The following METTL4 variants were observed in gnomAD, a reference collection of about 807,000 sequenced individuals.
METTL4 encodes methyltransferase 4, N6-adenosine, also known as N(6)-adenine-specific methyltransferase METTL4.
In METTL4, 40 loss-of-function variants were observed where a neutral mutation model predicts 54.0. That is an observed-to-expected ratio of 0.74 (90% confidence interval 0.58 to 0.96). METTL4 has a LOEUF of 0.96. Ranked by LOEUF, METTL4 falls within the 50% of genes least tolerant of loss-of-function variation. METTL4 has a pLI of 0.00. For missense variants in METTL4, 525 were observed against 549.0 expected (o/e 0.96, Z 0.44); for synonymous variants, 169 against 183.8 (o/e 0.92, Z 0.65).
At chr18:2,570,074 A>G (rs575000130) in intron 1 of METTL4, among the ~76,000 whole-genome samples, 111 of 152,352 alleles carry the variant, frequency 7.3e-4, no homozygotes, top group African/African-American at 2.4e-3. Context: ...GTAAGCACAC[A>G]TGATCCCTCT....
intron 2 of METTL4, among the ~76,000 whole-genome samples, chr18:2,565,110 T>C (rs1440568576): frequency 6.6e-6 from 1 of 151,714 alleles, no homozygotes; most frequent in Non-Finnish European, 1.5e-5. Flanking sequence ...CAACAAGGTG[T>C]CTACTAAAAA....
intron 8 of METTL4, chr18:2,540,857 C>G: frequency 3.0e-6 from 3 of 985,438 alleles, no homozygotes; most frequent in Non-Finnish European, 3.6e-6. Flanking sequence ...AAGATGTTAG[C>G]AACCCTATTT....
Position 2,547,454 on chromosome 18 carries a change from A to T in METTL4, c.975T>A (p.Val325=), listed in dbSNP as rs373541095. Reference sequence around the variant, plus strand: ...GCTTCTGTCTATTGGTCACCCAAGTAACAAGAAGACAGTTTGGAGCAGCCA... The same window carrying T: ...GCTTCTGTCTATTGGTCACCCAAGTTACAAGAAGACAGTTTGGAGCAGCCA... ...PKLAAPNCLL[V]TWVTNRQKHL... is the part of the protein sequence containing the mutation. The change falls in exon 6 of 9, where the codon GTT becomes GTA. Residue 325 remains valine (V), a synonymous_variant. Transcript: ENST00000574538. 3.1e-6 allele frequency: 5 copies of T among 1,612,598 alleles called. No individual in the cohort carries two copies. The African/African-American group carries it at 6.7e-5, about 22-fold the overall frequency.
chr18:2,558,115 T>C (rs1029187475), intron 3 of METTL4, among the ~76,000 whole-genome samples: 2 of 152,214 alleles, frequency 1.3e-5, no homozygotes, highest in Admixed American at 6.5e-5. Context: ...CTGACATTCA[T>C]AGAACACTGC....
chr18:2,546,928 T>C (rs2072077970), intron 6 of METTL4, among the ~76,000 whole-genome samples: 2 of 152,162 alleles, frequency 1.3e-5, no homozygotes, highest in South Asian at 4.1e-4. Flanking sequence ...ACTTTGCTAT[T>C]CCTTGCCCTC....
intron 2 of METTL4, among the ~76,000 whole-genome samples, chr18:2,564,247 C>CAA (rs11457097): frequency 5.3e-4 from 75 of 142,392 alleles, no homozygotes; most frequent in Middle Eastern, 3.6e-3. Flanking sequence ...ACTAAAAATA[C>CAA]AAAAAAAAAA....
rs563806459 is a variant in METTL4, at chr18:2,552,864, G to A, written c.830-100C>T. ...ACTCAAGTGATTTCACTACGGACAC[G>A]AATATAATGGAATGCACCAAAGGGA... On this transcript the variant is annotated intron_variant, in intron 4 of 8. Transcript: ENST00000574538. The A allele has an allele frequency of 3.9e-4, 270 of 690,104 alleles. 8 individuals carry two copies. In the South Asian group the frequency reaches 4.2e-3, roughly 11 times the overall value. The allele number at this position is 690,104 out of a possible 1,614,324, so 42.7% of individuals were successfully genotyped here.
chr18:2,546,821 T>C (rs1210657837), intron 6 of METTL4, among the ~76,000 whole-genome samples: 2 of 152,162 alleles, frequency 1.3e-5, no homozygotes, highest in African/African-American at 2.4e-5. Context: ...TTCAAAAATA[T>C]GCACAGCAGC....
chr18:2,544,759 T>C lies in METTL4; in HGVS notation c.1075A>G (p.Ile359Val). 1 of 1,605,934 alleles carries C rather than the reference T, an allele frequency of 6.2e-7. No homozygotes were observed. Among genetic ancestry groups the C allele is most frequent in the Non-Finnish European group, 8.5e-7 (1 of 1,173,292 alleles). The change falls in exon 7 of 9, where the codon ATA becomes GTA. Residue 359 changes from isoleucine to valine, a missense_variant and splice_region_variant. Ile to Val is a conservative substitution (Grantham distance 29). Transcript: ENST00000574538. ...AACACAAATTCTCCTGAATTGGTTA[T>C]CTGATAGGAAGGAGCCAACAAAAGA... ...EVVAEWHWVK[I>V]TNSGEFVFPL...
At chr18:2,551,732 AAAG>A (rs1369146231) in intron 5 of METTL4, among the ~76,000 whole-genome samples, 7 of 152,112 alleles carry the variant, frequency 4.6e-5, no homozygotes. Context: ...AAAGGAAAGA[AAAG>A]AAACAAATCC....
intron 2 of METTL4, among the ~76,000 whole-genome samples, chr18:2,564,436 AT>A (rs2072372570): frequency 6.6e-6 from 1 of 152,248 alleles, no homozygotes; most frequent in Non-Finnish European, 1.5e-5. Context: ...TACCAGTGCC[AT>A]CTATCACTTT....
At chr18:2,551,837 T>G (rs1356139583) in intron 5 of METTL4, among the ~76,000 whole-genome samples, 1 of 152,080 alleles carries the variant, frequency 6.6e-6, no homozygotes, top group Non-Finnish European at 1.5e-5. Context: ...TCAAGGAAAT[T>G]GGAATTTTTT....
At chr18:2,566,551 T>C (rs1261362769) in intron 2 of METTL4, 2 of 192,604 alleles carry the variant, frequency 1.0e-5, no homozygotes, top group Non-Finnish European at 1.0e-5. Flanking sequence ...GTTTGTTTTT[T>C]TGCTGTCTGG....
At chr18:2,544,345 G>A in intron 7 of METTL4, 59 bp from the exon 8 acceptor site, 1 of 1,214,448 alleles carries the variant, frequency 8.2e-7, no homozygotes, top group South Asian at 1.4e-5. Context: ...CTATACATAA[G>A]CCACAGCTGC....
chr18:2,539,537 A>C (rs1031566279), intron 8 of METTL4, among the ~76,000 whole-genome samples: 48 of 149,732 alleles, frequency 3.2e-4, no homozygotes, highest in African/African-American at 1.1e-3. Context: ...GCTGGAGTGC[A>C]ATGGTGCAAT....
chr18:2,552,607 T>C (rs1007316627), intron 5 of METTL4, 88 bp downstream of exon 5: 2 of 834,900 alleles, frequency 2.4e-6, no homozygotes, highest in Admixed American at 2.7e-5. Context: ...ATAATCTATA[T>C]CATAAAGTAA....
chr18:2,555,032 C>A lies in METTL4; in HGVS notation c.466G>T (p.Glu156Ter). The A allele has an allele frequency of 2.5e-6, 4 of 1,611,190 alleles. No homozygotes were observed. The highest frequency in any genetic ancestry group is 3.4e-6 in the Non-Finnish European group (4 of 1,179,398). ...DAMEYHTKIR[E>*]LILDGSLQLI... ...TGTAAAGATCCATCCAAAATCAGCT[C>A]CCTGATCTGTAAGAGAATTTTAAGT... Residue 156 changes from glutamate to a stop codon, truncating the protein, a stop_gained, in exon 4 of 9, where the codon GAG becomes TAG. Coordinates refer to ENST00000574538, the MANE Select transcript of METTL4 (RefSeq NM_022840.5). LOFTEE classifies it high-confidence loss of function.
At position 2,571,445 on chromosome 18, in the gene METTL4, TG is replaced by T. The variant is rs1247483273; in HGVS notation, c.-736del. 6.6e-6 allele frequency: 1 copy of T among 152,206 alleles called. No individual in the cohort carries two copies. Among genetic ancestry groups the T allele is most frequent in the South Asian group, 2.1e-4 (1 of 4,828 alleles). The allele number at this position is 152,206 out of a possible 1,614,324, so 9.4% of individuals were successfully genotyped here. A position where few individuals can be genotyped will look rare whatever the true frequency, so the allele number is the denominator to read the frequency against. On this transcript the variant is annotated 5_prime_UTR_variant, in exon 1 of 9. The change abolishes the stop of an existing upstream ORF in the 5' untranslated region. Transcript: ENST00000574538. Reference sequence around the variant, plus strand: ...ACACTGGCCCACAGACCCCAGTTCCTGGGGTGACGCAGCTGGGCGCGACCAG... The same window carrying T: ...ACACTGGCCCACAGACCCCAGTTCCTGGGTGACGCAGCTGGGCGCGACCAG...
In METTL4 at chr18:2,540,048, T is replaced by C. The variant is rs188932917; in HGVS notation, c.1274-903A>G. 2.3e-4 allele frequency: 229 copies of C among 977,258 alleles called. 1 individual carries two copies. The African/African-American group carries it at 3.8e-3, about 16-fold the overall frequency. 60.5% of individuals were successfully genotyped at this position (977,258 alleles called of 1,614,324 possible). ...AGATCCTTCTTTACCTAAAATTTCATCATGGTACTTCCACAGTTAAGTATT... is the reference window on the plus strand; with the variant it reads ...AGATCCTTCTTTACCTAAAATTTCACCATGGTACTTCCACAGTTAAGTATT... On this transcript the variant is annotated intron_variant, in intron 8 of 8. Transcript: ENST00000574538.
Sources: allele counts gnomAD v4.1 joint callset (sites outside exome capture counted in the v4.1 genomes callset), GRCh38; gene constraint gnomAD v4.1.1; transcripts MANE v1.5; gene names NCBI Gene and HGNC (gene_info 2026-07-23, HGNC 2026-07-21).